LOC112694756: variants seen among roughly 807,000 people sequenced by gnomAD.
the LOC112694756 span, chr16:30,067,550 C>G: frequency 1.1e-4 from 178 of 1,613,822 alleles, no homozygotes; most frequent in Non-Finnish European, 1.4e-4. Flanking sequence ...ACCGCGTGAA[C>G]CCCTGCATTG....
the LOC112694756 span, among the ~76,000 whole-genome samples, chr16:30,055,693 G>A: frequency 7.9e-5 from 12 of 152,150 alleles, no homozygotes; most frequent in Admixed American, 2.6e-4. Flanking sequence ...GCCTCTTTAC[G>A]GACCTTTGTT....
chr16:30,066,870 C>T, the LOC112694756 span: 5 of 1,545,448 alleles, frequency 3.2e-6, no homozygotes, highest in East Asian at 7.4e-5. Context: ...TACTCCGGTT[C>T]GGTTTTGTTT....
the LOC112694756 span, chr16:30,066,939 C>T: frequency 6.4e-7 from 1 of 1,550,972 alleles, no homozygotes; most frequent in South Asian, 1.2e-5. Flanking sequence ...TCAACATGAC[C>T]CACCTGTCCA....
the LOC112694756 span, among the ~76,000 whole-genome samples, chr16:30,063,222 C>T: frequency 9.9e-5 from 15 of 152,126 alleles, no homozygotes; most frequent in African/African-American, 2.9e-4. Flanking sequence ...TTCATGAATG[C>T]GGTCTGTTCG....
chr16:30,058,683 C>T, the LOC112694756 span, among the ~76,000 whole-genome samples: 15 of 151,458 alleles, frequency 9.9e-5, no homozygotes, highest in African/African-American at 3.4e-4. Context: ...GATGGGGTTT[C>T]GTGTTAGCCA....
chr16:30,063,007 T>G, the LOC112694756 span, among the ~76,000 whole-genome samples: 1 of 151,806 alleles, frequency 6.6e-6, no homozygotes, highest in African/African-American at 2.4e-5. Flanking sequence ...TAGCTGGGTG[T>G]GGTGGCTCAC....
At chr16:30,064,534 A>C in the LOC112694756 span, 3 of 398,572 alleles carry the variant, frequency 7.5e-6, no homozygotes, top group Non-Finnish European at 1.3e-5. Context: ...CCTCCCCATC[A>C]ATAGGGCCGA....
chr16:30,062,005 C>T, the LOC112694756 span, among the ~76,000 whole-genome samples: 5 of 150,320 alleles, frequency 3.3e-5, no homozygotes, highest in South Asian at 1.1e-3. Context: ...GAGTTCGAGA[C>T]CAGCCTGACT....
the LOC112694756 span, chr16:30,070,029 G>A: frequency 6.2e-7 from 1 of 1,613,744 alleles, no homozygotes; most frequent in Admixed American, 1.7e-5. Flanking sequence ...AGCGAGCCCT[G>A]GTAAGGATAG....
the LOC112694756 span, among the ~76,000 whole-genome samples, chr16:30,065,110 A>C: frequency 6.6e-6 from 1 of 152,198 alleles, no homozygotes; most frequent in Non-Finnish European, 1.5e-5. Context: ...TGCGCGACCC[A>C]GCCCGGCCTG....
At chr16:30,058,819 A>G in the LOC112694756 span, 1 of 348,602 alleles carries the variant, frequency 2.9e-6, no homozygotes, top group Non-Finnish European at 5.1e-6. Context: ...CAAGGTTCTC[A>G]TTCATTCATT....
the LOC112694756 span, chr16:30,069,465 C>G: frequency 6.2e-7 from 1 of 1,614,024 alleles, no homozygotes; most frequent in Non-Finnish European, 8.5e-7. Context: ...CTCTCCTCCA[C>G]CCCACTACCC....
At chr16:30,055,062 G>A in the LOC112694756 span, 2 of 398,792 alleles carry the variant, frequency 5.0e-6, no homozygotes, top group Non-Finnish European at 4.4e-6. Context: ...GTGGTACCAG[G>A]GGGTCCCTCC....
At chr16:30,069,985 G>A in the LOC112694756 span, 1 of 1,613,922 alleles carries the variant, frequency 6.2e-7, no homozygotes, top group Non-Finnish European at 8.5e-7. Flanking sequence ...CGGGAAGAAG[G>A]AGAACCTGAA....
the LOC112694756 span, among the ~76,000 whole-genome samples, chr16:30,056,904 A>G: frequency 7.5e-6 from 1 of 133,200 alleles, no homozygotes; most frequent in Non-Finnish European, 1.6e-5. Flanking sequence ...CCCAGCCTCT[A>G]CTTGCCCTTT....
the LOC112694756 span, chr16:30,054,882 T>G: frequency 5.0e-6 from 2 of 399,142 alleles, no homozygotes; most frequent in Non-Finnish European, 8.8e-6. Flanking sequence ...TGGGCATCTA[T>G]TTGTTGCTGC....
At chr16:30,067,195 C>T in the LOC112694756 span, 1 of 1,611,478 alleles carries the variant, frequency 6.2e-7, no homozygotes, top group African/African-American at 1.3e-5. Flanking sequence ...ATGGGAAACC[C>T]TAGCTAACTA....
chr16:30,060,482 T>G, the LOC112694756 span, among the ~76,000 whole-genome samples: 1 of 152,090 alleles, frequency 6.6e-6, no homozygotes, highest in Admixed American at 6.6e-5. Context: ...GTTAACAGTC[T>G]TGCGGAGTCC....
chr16:30,067,577 C>G, the LOC112694756 span: 1 of 1,614,054 alleles, frequency 6.2e-7, no homozygotes. Context: ...TCATCCTCTT[C>G]CATGAGACAC....
Sources: gnomAD v4.1 joint callset for allele counts (sites outside exome capture counted in the v4.1 genomes callset) on GRCh38, gnomAD v4.1.1 for gene constraint, MANE v1.5 for transcripts.